Variants in TCERG1L observed in about 807,000 individuals in gnomAD.
The protein encoded by TCERG1L is transcription elongation regulator 1-like protein.
Under a neutral mutation model 56.3 loss-of-function variants are expected in TCERG1L, and 37 were observed. The ratio of observed to expected loss-of-function variants is 0.66; its 90% CI spans 0.51 to 0.87. The LOEUF (loss-of-function observed/expected upper bound fraction) is 0.87. Ranked by LOEUF, TCERG1L falls within the 40% of genes least tolerant of loss-of-function variation. The pLI, the probability that TCERG1L is intolerant of heterozygous loss-of-function variation, is 0.00. For missense variants in TCERG1L, 799 were observed against 774.2 expected (o/e 1.03, Z -0.38); for synonymous variants, 324 against 326.3 (o/e 0.99, Z 0.08).
At chr10:131,115,810 G>T (rs1845454554) in intron 9 of TCERG1L, among the ~76,000 whole-genome samples, 1 of 152,166 alleles carries the variant, frequency 6.6e-6, no homozygotes, top group Non-Finnish European at 1.5e-5. Flanking sequence ...GCTTAACCCA[G>T]ACCCAGGACA....
chr10:131,165,629 T>C (rs1474093519), intron 5 of TCERG1L, among the ~76,000 whole-genome samples: 1 of 152,208 alleles, frequency 6.6e-6, no homozygotes. Context: ...GGGACTTTCA[T>C]TATGAAGTTC....
intron 10 of TCERG1L, among the ~76,000 whole-genome samples, chr10:131,100,691 G>A (rs959135233): frequency 8.5e-5 from 13 of 152,174 alleles, no homozygotes; most frequent in African/African-American, 3.1e-4. Flanking sequence ...AGCTCCCCCG[G>A]CAGAGGAAGG....
chr10:131,142,299 G>A (rs1811018214), intron 7 of TCERG1L, among the ~76,000 whole-genome samples: 1 of 152,096 alleles, frequency 6.6e-6, no homozygotes, highest in African/African-American at 2.4e-5. Flanking sequence ...CAGGGCTCTG[G>A]CATTTGTGTT....
At position 131,289,988 on chromosome 10, in the gene TCERG1L, T is replaced by C. The variant is rs2944517; in HGVS notation, c.670+18223A>G. Among the ~76,000 whole-genome samples, 4 of 7,116 alleles carry C rather than the reference T, an allele frequency of 5.6e-4. 2 individuals are homozygous for C. Among genetic ancestry groups the C allele is most frequent in the Non-Finnish European group, 2.0e-3 (4 of 1,998 alleles). 4.7% of individuals were successfully genotyped at this position (7,116 alleles called of 152,430 possible). The stretch of plus-strand genomic sequence containing the variant: ...TCGGTGTGTGAGTGTATGTGTGCAC[T>C]GCTGTGTGTGAGCAGGTGTGCACTG... On this transcript the variant is annotated intron_variant, in intron 3 of 11. Coordinates refer to ENST00000368642, the MANE Select transcript of TCERG1L (RefSeq NM_174937.4).
At position 131,187,448 on chromosome 10, in the gene TCERG1L, C is replaced by T. The variant is rs139126498; in HGVS notation, c.857-20563G>A. ...AGGTGGCCCAGCAGGGAGCATTCTA[C>T]CTGGCCATGCTGCTCTGCTGCTATC... On this transcript the variant is annotated intron_variant, in intron 4 of 11. Transcript: ENST00000368642. Among the ~76,000 whole-genome samples, 505 of 152,290 alleles carry T rather than the reference C, an allele frequency of 3.3e-3. 6 individuals are homozygous for T. Among genetic ancestry groups the T allele is most frequent in the African/African-American group, 0.012 (482 of 41,556 alleles).
chr10:131,201,971 G>A (rs529476733), intron 4 of TCERG1L, among the ~76,000 whole-genome samples: 6 of 152,324 alleles, frequency 3.9e-5, no homozygotes, highest in African/African-American at 1.2e-4. Flanking sequence ...TGGGGGTCAC[G>A]GGGGCTGGTT....
At chr10:131,148,161 T>G (rs1845819633) in intron 6 of TCERG1L, among the ~76,000 whole-genome samples, 3 of 152,030 alleles carry the variant, frequency 2.0e-5, no homozygotes, top group Admixed American at 2.0e-4. Flanking sequence ...GTCTGTACAG[T>G]TGGGATTAGG....
At chr10:131,201,452 G>A (rs1037106807) in intron 4 of TCERG1L, among the ~76,000 whole-genome samples, 13 of 152,248 alleles carry the variant, frequency 8.5e-5, no homozygotes, top group Admixed American at 3.3e-4. Flanking sequence ...CTCGTAAGGC[G>A]CCAAAAAGGA....
At chr10:131,175,239 G>GA (rs1846136477) in intron 4 of TCERG1L, among the ~76,000 whole-genome samples, 1 of 152,198 alleles carries the variant, frequency 6.6e-6, no homozygotes, top group South Asian at 2.1e-4. Context: ...TGAGCTTTGG[G>GA]ATCCGAGGGT....
chr10:131,115,531 C>T (rs1181982957), intron 9 of TCERG1L, among the ~76,000 whole-genome samples: 9 of 152,382 alleles, frequency 5.9e-5, no homozygotes, highest in East Asian at 1.9e-4. Context: ...GTCCACGTCG[C>T]GCTCTGTGCC....
chr10:131,190,597 A>G (rs1203830616), intron 4 of TCERG1L, among the ~76,000 whole-genome samples: 1 of 144,472 alleles, frequency 6.9e-6, no homozygotes, highest in African/African-American at 2.6e-5. Flanking sequence ...TATTTCAGGG[A>G]GGCAGGGTTG....
chr10:131,178,453 C>A (rs143192906), intron 4 of TCERG1L, among the ~76,000 whole-genome samples: 4 of 152,122 alleles, frequency 2.6e-5, no homozygotes, highest in Non-Finnish European at 5.9e-5. Context: ...TACCAGATGG[C>A]GGCATGTGCT....
At chr10:131,261,638 T>A (rs557383503) in intron 3 of TCERG1L, among the ~76,000 whole-genome samples, 279 of 152,364 alleles carry the variant, frequency 1.8e-3, no homozygotes, top group Non-Finnish European at 3.3e-3. Context: ...AACCAGTCTT[T>A]ATTTAGCTGA....
Position 131,309,137 on chromosome 10 carries a change from T to C in TCERG1L, c.489+16A>G. ...ATTAAAAGCCCCTTATCCAATTAAA[T>C]CACTTGCGTTTTTACCTTACAGTTA... On this transcript the variant is annotated intron_variant, in intron 2 of 11. Coordinates refer to ENST00000368642, the MANE Select transcript of TCERG1L (RefSeq NM_174937.4). 1 of 1,605,228 alleles carries C rather than the reference T, an allele frequency of 6.2e-7. No homozygotes were observed. Among genetic ancestry groups the C allele is most frequent in the Non-Finnish European group, 8.5e-7 (1 of 1,177,282 alleles).
At chr10:131,211,166 T>C (rs1212060983) in intron 4 of TCERG1L, among the ~76,000 whole-genome samples, 2 of 152,196 alleles carry the variant, frequency 1.3e-5, no homozygotes, top group East Asian at 1.9e-4. Context: ...GTCAGGGCCG[T>C]ATGGCTCGGC....
At chr10:131,163,728 G>A (rs1413407239) in intron 5 of TCERG1L, among the ~76,000 whole-genome samples, 15 of 152,100 alleles carry the variant, frequency 9.9e-5, no homozygotes, top group Admixed American at 1.3e-4. Context: ...CCAGGCTCCC[G>A]CCCTTCCCAA....
At position 131,092,782 on chromosome 10, in the gene TCERG1L, G is replaced by A. The variant is rs952821265; in HGVS notation, c.*380C>T. ...CTGGAGAAACGAAGTAATTCACAAA[G>A]GTTTTCAGAAAAGTTTTCGCCAATC... On this transcript the variant is annotated 3_prime_UTR_variant, in exon 12 of 12. Coordinates refer to ENST00000368642, the MANE Select transcript of TCERG1L (RefSeq NM_174937.4). 6.1e-6 allele frequency: 1 copy of A among 163,938 alleles called. No individual in the cohort carries two copies. The highest frequency in any genetic ancestry group is 2.4e-5 in the African/African-American group (1 of 41,772). The allele number at this position is 163,938 out of a possible 1,614,324, so 10.2% of individuals were successfully genotyped here. A position where few individuals can be genotyped will look rare whatever the true frequency, so the allele number is the denominator to read the frequency against.
chr10:131,136,425 G>C (rs930974674), intron 7 of TCERG1L, among the ~76,000 whole-genome samples: 1 of 152,126 alleles, frequency 6.6e-6, no homozygotes, highest in African/African-American at 2.4e-5. Flanking sequence ...GTTCTTGAGA[G>C]GAAACCATGA....
chr10:131,219,584 CA>C (rs895499756), intron 4 of TCERG1L, among the ~76,000 whole-genome samples: 7 of 152,188 alleles, frequency 4.6e-5, no homozygotes, highest in African/African-American at 1.7e-4. Context: ...GGCTGCAGTG[CA>C]AGGAGGCTAC....
Sources: gnomAD v4.1 joint callset for allele counts (sites outside exome capture counted in the v4.1 genomes callset) on GRCh38, gnomAD v4.1.1 for gene constraint, MANE v1.5 for transcripts, NCBI Gene and HGNC (gene_info 2026-07-23, HGNC 2026-07-21) for gene names.